Variants in MCM4 observed in about 807,000 individuals in gnomAD.
MCM4 encodes the protein minichromosome maintenance complex component 4.
A neutral mutation model predicts 88.7 loss-of-function variants in MCM4; 60 were observed. That is an observed-to-expected ratio of 0.68 (90% CI 0.55 to 0.84). MCM4 has a LOEUF of 0.84. Ranked by LOEUF, MCM4 falls within the 40% of genes least tolerant of loss-of-function variation. The probability of loss-of-function intolerance (pLI) is 0.00; values close to 1 mark genes in which losing one functional copy is unlikely to be tolerated. For missense variants in MCM4, 1,149 were observed against 1,105.5 expected, an observed-to-expected ratio of 1.04 and a Z score of -0.56; for synonymous variants, 465 against 410.5, an observed-to-expected ratio of 1.13 and a Z score of -1.61.
Position 47,977,222 on chromosome 8 carries a change from C to T in MCM4, c.*444C>T, listed in dbSNP as rs775104449. 4.8e-5 allele frequency: 7 copies of T among 146,132 alleles called. No individual in the cohort carries two copies. The highest frequency in any genetic ancestry group is 1.8e-4 in the African/African-American group (7 of 39,560). The allele number at this position is 146,132 out of a possible 1,614,324, so 9.1% of individuals were successfully genotyped here. On this transcript the variant is annotated 3_prime_UTR_variant, in exon 17 of 17. Transcript: ENST00000649973. ...CAGAGGTTGCAGTGAGCCAAGATCGCGCCACTGCACTCCAGCCTCAGCAAT... is the reference window on the plus strand; with the variant it reads ...CAGAGGTTGCAGTGAGCCAAGATCGTGCCACTGCACTCCAGCCTCAGCAAT...
rs139243933 is a variant in MCM4, at chr8:47,976,177, T to C, written c.2499+329T>C. 4.0e-3 allele frequency among the ~76,000 whole-genome samples: 600 copies of C among 151,674 alleles called. 5 individuals are homozygous for C. Among genetic ancestry groups the C allele is most frequent in the South Asian group, 0.025 (119 of 4,818 alleles). On this transcript the variant is annotated intron_variant, in intron 16 of 16. Coordinates refer to ENST00000649973, the MANE Select transcript of MCM4 (RefSeq NM_182746.3). ...ATGTGGTGATAAGCACCTGAAATCC[T>C]AGCTACTCAGGAGGCTTAGGCAGGA...
Position 47,971,506 on chromosome 8 carries a change from T to C in MCM4, c.1928+38T>C, listed in dbSNP as rs757531465. 1.2e-5 allele frequency: 19 copies of C among 1,605,220 alleles called. No individual in the cohort carries two copies. In the South Asian group the frequency reaches 2.0e-4, roughly 17 times the overall value. On this transcript the variant is annotated intron_variant, in intron 13 of 16. Transcript: ENST00000649973. ...ATTTTTATTTTGTTCATTTGTAGAA[T>C]ATTCAGGGTGAGATTGAAAAGGAGC...
intron 9 of MCM4, 123 bp from the exon 10 acceptor site, chr8:47,967,242 A>T: frequency 9.8e-7 from 1 of 1,017,720 alleles, no homozygotes; most frequent in Non-Finnish European, 1.4e-6. Flanking sequence ...AGAAACATGG[A>T]CAATCATTTA....
intron 14 of MCM4, 54 bp from the exon 15 acceptor site, chr8:47,974,680 T>C: frequency 6.9e-7 from 1 of 1,447,876 alleles, no homozygotes; most frequent in South Asian, 1.2e-5. Flanking sequence ...CCCACAAAAC[T>C]AAAGTTGTCA....
chr8:47,977,437 A>C lies in MCM4; in HGVS notation c.*659A>C, dbSNP rs2091010743. 1 of 152,106 alleles carries C rather than the reference A, an allele frequency of 6.6e-6. No homozygotes were observed. Among genetic ancestry groups the C allele is most frequent in the African/African-American group, 2.4e-5 (1 of 41,402 alleles). 9.4% of individuals were successfully genotyped at this position (152,106 alleles called of 1,614,324 possible). On this transcript the variant is annotated 3_prime_UTR_variant, in exon 17 of 17. Coordinates refer to ENST00000649973, the MANE Select transcript of MCM4 (RefSeq NM_182746.3). ...ATGGCCATCATCAGTATGCTTATGGATTTGATGACAGGCATAGCCTGGGCA... is the reference window on the plus strand; with the variant it reads ...ATGGCCATCATCAGTATGCTTATGGCTTTGATGACAGGCATAGCCTGGGCA...
intron 7 of MCM4, among the ~76,000 whole-genome samples, chr8:47,964,086 G>A (rs2090874588): frequency 6.6e-6 from 1 of 152,144 alleles, no homozygotes; most frequent in African/African-American, 2.4e-5. Context: ...AGTCAGGCGT[G>A]GTGGCAAATG....
At position 47,970,661 on chromosome 8, in the gene MCM4, AG is replaced by A. The variant is rs2090945266; in HGVS notation, c.1589del (p.Gly530AlafsTer18). 1 of 1,614,050 alleles carries A rather than the reference AG, an allele frequency of 6.2e-7. No homozygotes were observed. The highest frequency in any genetic ancestry group is 1.3e-5 in the African/African-American group (1 of 74,910). ...LLQYVYNLVP[R>X]GQYTSGKGSS... is the part of the protein sequence containing the mutation. ...GCAGTACGTGTACAACCTCGTCCCC[AG>A]GGGCCAGTACACGTCTGGGAAGGGC... On this transcript the variant is annotated frameshift_variant, in exon 12 of 17. Coordinates refer to ENST00000649973, the MANE Select transcript of MCM4 (RefSeq NM_182746.3). LOFTEE classifies it high-confidence loss of function.
At chr8:47,970,274 CCA>C (rs1371527021) in intron 11 of MCM4, among the ~76,000 whole-genome samples, 1 of 152,212 alleles carries the variant, frequency 6.6e-6, no homozygotes, top group African/African-American at 2.4e-5. Context: ...ACAGAAGAGG[CCA>C]CACAGTGTCA....
Position 47,974,831 on chromosome 8 carries a change from CT to C in MCM4, c.2235del (p.Val747Ter), listed in dbSNP as rs2090987939. On this transcript the variant is annotated frameshift_variant, in exon 15 of 17. Coordinates refer to ENST00000649973, the MANE Select transcript of MCM4 (RefSeq NM_182746.3). LOFTEE classifies it high-confidence loss of function. ...ESLIRLAEAH[A>X]KVRLSNKVEA... ...TTAATCCGCTTAGCAGAAGCCCATG[CT>C]AAAGTAAGATTGTCTAACAAAGTTG... The C allele has an allele frequency of 6.2e-7, 1 of 1,614,054 alleles. No homozygotes were observed. The highest frequency in any genetic ancestry group is 1.3e-5 in the African/African-American group (1 of 74,924).
chr8:47,976,217 T>A (rs909725397), intron 16 of MCM4, among the ~76,000 whole-genome samples: 9 of 150,466 alleles, frequency 6.0e-5, no homozygotes, highest in Admixed American at 2.0e-4. Context: ...TGCTTGAACC[T>A]GGGAGGCGGA....
chr8:47,967,177 GT>G (rs1290640195), intron 9 of MCM4, among the ~76,000 whole-genome samples, 187 bp from the exon 10 acceptor site: 9 of 152,216 alleles, frequency 5.9e-5, no homozygotes, highest in Non-Finnish European at 1.2e-4. Flanking sequence ...CCCCTGTTTT[GT>G]TGCTGTCTGT....
intron 7 of MCM4, among the ~76,000 whole-genome samples, chr8:47,963,792 A>C (rs888786214): frequency 1.3e-5 from 2 of 152,232 alleles, no homozygotes; most frequent in Non-Finnish European, 2.9e-5. Context: ...GGAGGCAAGC[A>C]GACTTGGTTT....
chr8:47,975,887 C>G, intron 16 of MCM4, 39 bp downstream of exon 16: 2 of 1,398,146 alleles, frequency 1.4e-6, no homozygotes, highest in Non-Finnish European at 1.9e-6. Flanking sequence ...ATAGAGCTTT[C>G]TCTTTTTCCT....
At chr8:47,961,936 G>T in intron 3 of MCM4, 117 bp from the exon 4 acceptor site, 1 of 1,028,052 alleles carries the variant, frequency 9.7e-7, no homozygotes. Context: ...CTCAGCCACC[G>T]CAGGTTGCAA....
chr8:47,964,318 A>G (rs1337038591), intron 7 of MCM4, among the ~76,000 whole-genome samples: 1 of 152,246 alleles, frequency 6.6e-6, no homozygotes, highest in Non-Finnish European at 1.5e-5. Context: ...TTCCCTTCTA[A>G]TAGAAAGCAA....
At chr8:47,972,620 G>A (rs537153486) in intron 13 of MCM4, among the ~76,000 whole-genome samples, 7 of 152,060 alleles carry the variant, frequency 4.6e-5, no homozygotes, top group South Asian at 4.1e-4. Context: ...GCAGTGACGC[G>A]AACTTGGCTC....
At chr8:47,975,182 G>GTTTT in intron 15 of MCM4, 2 of 346,246 alleles carry the variant, frequency 5.8e-6, no homozygotes, top group Non-Finnish European at 1.0e-5. Flanking sequence ...GTTTTTTTTT[G>GTTTT]TTTTTTTTTT....
At chr8:47,965,642 T>C (rs1050985874) in intron 8 of MCM4, among the ~76,000 whole-genome samples, 1 of 152,006 alleles carries the variant, frequency 6.6e-6, no homozygotes. Flanking sequence ...TCAGGAAAGG[T>C]TCAAATAATA....
Position 47,974,419 on chromosome 8 carries a change from T to C in MCM4, c.2137-315T>C, listed in dbSNP as rs2090982903. ...CCTTCTCCTCTCCCCACATGCCACA[T>C]TCCTTCCCTCTGCCACGCCATGCCC... On this transcript the variant is annotated intron_variant, in intron 14 of 16. Transcript: ENST00000649973. 3 of 312,968 alleles carry C rather than the reference T, an allele frequency of 9.6e-6. No individual in the cohort carries two copies. The South Asian group carries it at 1.1e-4, about 12-fold the overall frequency. The allele number at this position is 312,968 out of a possible 1,614,324, so 19.4% of individuals were successfully genotyped here.
Sources: allele counts gnomAD v4.1 joint callset (sites outside exome capture counted in the v4.1 genomes callset), GRCh38; gene constraint gnomAD v4.1.1; transcripts MANE v1.5; gene names NCBI Gene and HGNC (gene_info 2026-07-23, HGNC 2026-07-21).